Variants in EPYC observed in about 807,000 individuals in gnomAD.
EPYC encodes the protein dermatan sulfate proteoglycan 3.
In EPYC, 28 loss-of-function variants were observed where a neutral mutation model predicts 30.1. That is an observed-to-expected ratio of 0.93 (90% CI 0.69 to 1.28). The LOEUF is 1.28. Ranked by LOEUF, EPYC falls within the 50% of genes most tolerant of loss-of-function variation. The pLI, the probability that EPYC is intolerant of heterozygous loss-of-function variation, is 0.00. For synonymous variants in EPYC, 144 were observed against 141.4 expected (o/e 1.02, Z -0.13); for missense variants, 382 against 383.5 (o/e 1.00, Z 0.03).
In EPYC at chr12:90,971,850, T is replaced by C. The variant is rs149984693; in HGVS notation, c.652A>G (p.Ile218Val). ...ELPTTLTFID[I>V]SNNRLGRKGI... ...TTCCTTCCAAGTCTATTGTTGCTAATATCAATAAATGTCAAAGTGGTTGGC... is the reference window on the plus strand; with the variant it reads ...TTCCTTCCAAGTCTATTGTTGCTAACATCAATAAATGTCAAAGTGGTTGGC... The change falls in exon 5 of 7, where the codon ATT (isoleucine) becomes GTT (valine). Residue 218 changes from isoleucine to valine, a missense_variant. Ile to Val is a conservative substitution (Grantham distance 29). Coordinates refer to ENST00000261172, the MANE Select transcript of EPYC (RefSeq NM_004950.5). 109 of 1,612,262 alleles carry C rather than the reference T, an allele frequency of 6.8e-5. No homozygotes were observed. The highest frequency in any genetic ancestry group is 8.1e-5 in the Non-Finnish European group (95 of 1,179,384).
chr12:90,978,715 T>C (rs924078190), intron 2 of EPYC, among the ~76,000 whole-genome samples: 2 of 152,132 alleles, frequency 1.3e-5, no homozygotes, highest in African/African-American at 4.8e-5. Flanking sequence ...TGAGCAGAAA[T>C]TGATACATAT....
chr12:90,985,723 G>A (rs1308584778), intron 2 of EPYC, among the ~76,000 whole-genome samples: 1 of 152,036 alleles, frequency 6.6e-6, no homozygotes, highest in East Asian at 1.9e-4. Context: ...ATCACTGGAA[G>A]GTGCACTGCC....
At chr12:90,995,090 A>C (rs1360449873) in intron 2 of EPYC, among the ~76,000 whole-genome samples, 1 of 151,988 alleles carries the variant, frequency 6.6e-6, no homozygotes, top group East Asian at 1.9e-4. Context: ...TTTAAACATG[A>C]GCCTGGTGCT....
intron 2 of EPYC, among the ~76,000 whole-genome samples, chr12:90,993,089 A>G (rs1877622932): frequency 6.6e-6 from 1 of 152,160 alleles, no homozygotes; most frequent in African/African-American, 2.4e-5. Context: ...TGGAACAATC[A>G]AATCTCTTCT....
chr12:90,980,781 C>T (rs746303804), intron 2 of EPYC, among the ~76,000 whole-genome samples: 2 of 152,174 alleles, frequency 1.3e-5, no homozygotes, highest in Non-Finnish European at 2.9e-5. Flanking sequence ...TAAATTCTTT[C>T]AGCTTTATGC....
intron 3 of EPYC, among the ~76,000 whole-genome samples, chr12:90,976,187 G>A (rs975803577): frequency 6.6e-6 from 1 of 152,012 alleles, no homozygotes; most frequent in Non-Finnish European, 1.5e-5. Context: ...CAGGAAATGG[G>A]GAGTTGTTCA....
intron 2 of EPYC, among the ~76,000 whole-genome samples, chr12:90,990,316 A>G (rs1361336830): frequency 6.6e-6 from 1 of 152,080 alleles, no homozygotes; most frequent in Non-Finnish European, 1.5e-5. Context: ...ATTTATACAT[A>G]ATGACAATGA....
At chr12:90,991,633 A>G (rs979899043) in intron 2 of EPYC, among the ~76,000 whole-genome samples, 3 of 152,214 alleles carry the variant, frequency 2.0e-5, no homozygotes, top group Non-Finnish European at 2.9e-5. Flanking sequence ...AGAAGTAAAG[A>G]GATAAAATTA....
chr12:90,972,120 G>T (rs1877066819), intron 4 of EPYC, 118 bp from the exon 5 acceptor site: 1 of 575,048 alleles, frequency 1.7e-6, no homozygotes, highest in Non-Finnish European at 2.9e-6. Context: ...TTAATGAGAT[G>T]ATTATCTTTC....
At chr12:90,964,714 T>C (rs1876852537) in intron 6 of EPYC, among the ~76,000 whole-genome samples, 1 of 152,026 alleles carries the variant, frequency 6.6e-6, no homozygotes, top group South Asian at 2.1e-4. Context: ...GGGAAGAACA[T>C]TCTAGGCACA....
Position 90,970,101 on chromosome 12 carries a change from G to C in EPYC, c.741C>G (p.Asn247Lys), listed in dbSNP as rs765091217. ...YDLHHLYLTDNNLDHIPLPLP... is the reference protein window; with the variant it reads ...YDLHHLYLTDKNLDHIPLPLP... The stretch of plus-strand genomic sequence containing the variant: ...GTGGCAGAGGGATGTGGTCCAAGTT[G>C]TTATCAGTGAGGTACAGATGATGGA... The change falls in exon 6 of 7, where the codon AAC becomes AAG. Residue 247 changes from asparagine to lysine, a missense_variant. By Grantham distance (94) the Asn-to-Lys change is moderately conservative (BLOSUM62 0). Transcript: ENST00000261172. The C allele has an allele frequency of 1.9e-6, 3 of 1,613,808 alleles. No homozygotes were observed. The highest frequency in any genetic ancestry group is 2.5e-6 in the Non-Finnish European group (3 of 1,179,824).
At chr12:90,969,199 AC>A (rs1876973303) in intron 6 of EPYC, among the ~76,000 whole-genome samples, 1 of 151,930 alleles carries the variant, frequency 6.6e-6, no homozygotes, top group South Asian at 2.1e-4. Flanking sequence ...CACTTTTTGT[AC>A]ATTTTCTGCC....
chr12:90,976,683 G>C (rs1877189829), intron 3 of EPYC, among the ~76,000 whole-genome samples: 1 of 152,078 alleles, frequency 6.6e-6, no homozygotes, highest in East Asian at 1.9e-4. Context: ...CTGTAATACA[G>C]TGATATTGTT....
At chr12:90,983,605 T>C (rs1318089365) in intron 2 of EPYC, among the ~76,000 whole-genome samples, 2 of 152,066 alleles carry the variant, frequency 1.3e-5, no homozygotes, top group Non-Finnish European at 2.9e-5. Context: ...AAAAAGTTGG[T>C]TGACCCTGCA....
intron 1 of EPYC, among the ~76,000 whole-genome samples, chr12:91,004,429 CTTAA>C (rs1357263203): frequency 1.3e-5 from 2 of 151,928 alleles, no homozygotes; most frequent in Non-Finnish European, 2.9e-5. Context: ...AATGTAGTTT[CTTAA>C]TTAACACTTT....
intron 2 of EPYC, among the ~76,000 whole-genome samples, chr12:90,979,161 CTTTGTGGTACTTAG>C: frequency 6.6e-6 from 1 of 152,132 alleles, no homozygotes; most frequent in East Asian, 1.9e-4. Flanking sequence ...ATGTCTATTT[CTTTGTGGTACTTAG>C]TAAATGTCTA....
chr12:90,996,211 C>G (rs1053608489), intron 2 of EPYC, among the ~76,000 whole-genome samples: 1 of 151,498 alleles, frequency 6.6e-6, no homozygotes, highest in East Asian at 1.9e-4. Context: ...AGTCCTATAC[C>G]GATTTATTAT....
intron 1 of EPYC, among the ~76,000 whole-genome samples, chr12:91,003,051 A>G (rs1452619169): frequency 6.6e-6 from 1 of 152,100 alleles, no homozygotes; most frequent in Non-Finnish European, 1.5e-5. Flanking sequence ...GATATCCACA[A>G]ATAATTCCAA....
intron 6 of EPYC, among the ~76,000 whole-genome samples, chr12:90,964,911 T>G (rs1012743751): frequency 2.0e-5 from 3 of 152,110 alleles, no homozygotes; most frequent in Non-Finnish European, 2.9e-5. Context: ...ACCATAAAAT[T>G]CACCCACTTA....
Sources: gnomAD v4.1 joint callset for allele counts (sites outside exome capture counted in the v4.1 genomes callset) on GRCh38, gnomAD v4.1.1 for gene constraint, MANE v1.5 for transcripts, NCBI Gene and HGNC (gene_info 2026-07-23, HGNC 2026-07-21) for gene names.